Variants in ATOSA observed in about 807,000 individuals in gnomAD.
The protein encoded by ATOSA is atos homolog A, also known as atos homolog protein A.
At chr15:52,677,525 G>A in the ATOSA span, among the ~76,000 whole-genome samples, 2 of 152,210 alleles carry the variant, frequency 1.3e-5, no homozygotes, top group African/African-American at 4.8e-5. Context: ...GGAGTACTCT[G>A]CAAACTTTTG....
At chr15:52,661,337 T>C in the ATOSA span, among the ~76,000 whole-genome samples, 1 of 152,260 alleles carries the variant, frequency 6.6e-6, no homozygotes, top group Admixed American at 6.5e-5. Context: ...CATTATTTCA[T>C]TTCTGGTGCC....
At chr15:52,611,039 G>A in the ATOSA span, 1 of 1,378,226 alleles carries the variant, frequency 7.3e-7, no homozygotes, top group Non-Finnish European at 9.7e-7. Context: ...AGAATTGCAG[G>A]AAATAATCTA....
At chr15:52,604,569 T>C in the ATOSA span, among the ~76,000 whole-genome samples, 3 of 152,214 alleles carry the variant, frequency 2.0e-5, no homozygotes, top group East Asian at 5.8e-4. Context: ...AGAGGGATGA[T>C]ACTAACCATC....
the ATOSA span, chr15:52,586,779 C>G: frequency 6.2e-6 from 1 of 160,956 alleles, no homozygotes; most frequent in East Asian, 1.8e-4. Context: ...TTTTGTTTCC[C>G]AAGTTTTCCT....
chr15:52,613,809 G>C, the ATOSA span: 1 of 1,613,868 alleles, frequency 6.2e-7, no homozygotes, highest in Non-Finnish European at 8.5e-7. Context: ...CAAGGCCAAA[G>C]AGACCAAGAA....
the ATOSA span, among the ~76,000 whole-genome samples, chr15:52,583,408 C>CATTA: frequency 6.6e-6 from 1 of 152,032 alleles, no homozygotes; most frequent in Non-Finnish European, 1.5e-5. Flanking sequence ...TTCATTCATT[C>CATTA]ATTCATTCAT....
At chr15:52,605,207 T>G in the ATOSA span, 1 of 1,611,200 alleles carries the variant, frequency 6.2e-7, no homozygotes, top group Non-Finnish European at 8.5e-7. Context: ...GAATGAAAAT[T>G]ATGTTTTCGC....
the ATOSA span, among the ~76,000 whole-genome samples, chr15:52,681,754 T>G: frequency 3.3e-5 from 5 of 151,688 alleles, no homozygotes; most frequent in African/African-American, 1.2e-4. Context: ...CAAAAAAAAG[T>G]TAACTCATCT....
the ATOSA span, among the ~76,000 whole-genome samples, chr15:52,661,931 C>CAAAAAAAAAAAAAAAAAA: frequency 1.4e-5 from 1 of 73,254 alleles, no homozygotes; most frequent in Non-Finnish European, 2.3e-5. Context: ...CAAGCCAGGC[C>CAAAAAAAAAAAAAAAAAA]AAAAAAAAAA....
At chr15:52,683,962 CTCTG>C in the ATOSA span, among the ~76,000 whole-genome samples, 13 of 152,372 alleles carry the variant, frequency 8.5e-5, no homozygotes, top group African/African-American at 3.1e-4. Flanking sequence ...TACACACCAT[CTCTG>C]TCTTTTTTCT....
the ATOSA span, chr15:52,608,808 C>T: frequency 6.2e-7 from 1 of 1,602,842 alleles, no homozygotes. Context: ...TATTTGAGGA[C>T]ATGCTTTCAT....
the ATOSA span, among the ~76,000 whole-genome samples, chr15:52,674,341 G>A: frequency 6.6e-6 from 1 of 152,042 alleles, no homozygotes; most frequent in Non-Finnish European, 1.5e-5. Flanking sequence ...ATGAGCCACC[G>A]CAACAGGCCG....
chr15:52,667,758 T>G, the ATOSA span, among the ~76,000 whole-genome samples: 1 of 152,186 alleles, frequency 6.6e-6, no homozygotes, highest in East Asian at 1.9e-4. Context: ...GGGGCTGAAG[T>G]GTCAAGACAT....
chr15:52,642,155 C>T, the ATOSA span, among the ~76,000 whole-genome samples: 4 of 152,102 alleles, frequency 2.6e-5, no homozygotes, highest in Non-Finnish European at 5.9e-5. Context: ...GATCTTTCCC[C>T]TAGATTTTGA....
At chr15:52,640,000 C>T in the ATOSA span, among the ~76,000 whole-genome samples, 11 of 151,794 alleles carry the variant, frequency 7.2e-5, no homozygotes, top group Non-Finnish European at 1.0e-4. Flanking sequence ...TCTCGTGATC[C>T]GCCGGCCTCA....
At chr15:52,646,277 G>A in the ATOSA span, among the ~76,000 whole-genome samples, 1 of 152,210 alleles carries the variant, frequency 6.6e-6, no homozygotes, top group African/African-American at 2.4e-5. Context: ...GGCACACACA[G>A]ATCAGTTCTG....
At chr15:52,620,883 G>A in the ATOSA span, among the ~76,000 whole-genome samples, 7 of 152,172 alleles carry the variant, frequency 4.6e-5, no homozygotes, top group Non-Finnish European at 8.8e-5. Flanking sequence ...GCTGCGGTGA[G>A]CTGGGATTGT....
the ATOSA span, among the ~76,000 whole-genome samples, chr15:52,706,104 T>A: frequency 1.3e-5 from 2 of 152,180 alleles, no homozygotes; most frequent in African/African-American, 2.4e-5. Context: ...GGGAGATAGG[T>A]CAGGGAATTA....
the ATOSA span, chr15:52,679,152 A>T: frequency 6.6e-6 from 1 of 151,482 alleles, no homozygotes; most frequent in East Asian, 2.0e-4. Context: ...GTGGCCATCC[A>T]CCCGCGCCTC....
Sources: gnomAD v4.1 joint callset for allele counts (sites outside exome capture counted in the v4.1 genomes callset) on GRCh38, gnomAD v4.1.1 for gene constraint, MANE v1.5 for transcripts, NCBI Gene and HGNC (gene_info 2026-07-23, HGNC 2026-07-21) for gene names.